The following ALK variants were observed in gnomAD, a reference collection of about 807,000 sequenced individuals.
ALK encodes ALK tyrosine kinase receptor.
A neutral mutation model predicts 163.1 loss-of-function variants in ALK; 74 were observed. That is an observed-to-expected ratio of 0.45 (90% CI 0.38 to 0.55). ALK has a LOEUF of 0.55. ALK is among the 20% of genes least tolerant of loss of function. The pLI is 0.00. For synonymous variants in ALK, 960 were observed against 843.2 expected (o/e 1.14, Z -2.40); for missense variants, 2,063 against 2,105.3 (o/e 0.98, Z 0.39).
chr2:29,363,689 C>A (rs979888603), intron 5 of ALK, among the ~76,000 whole-genome samples: 2 of 152,194 alleles, frequency 1.3e-5, no homozygotes, highest in African/African-American at 4.8e-5. Flanking sequence ...GTGATGGACA[C>A]ATTTTAAAAA....
At position 29,717,704 on chromosome 2, in the gene ALK, A is replaced by G. The variant is rs1679304112; in HGVS notation, c.668-7T>C. ...GATTCCAAGGAGCTATGACCTGGAC[A>G]TAAAAATAAAGAAAACACTGATCCA... On this transcript the variant is annotated splice_region_variant and splice_polypyrimidine_tract_variant and intron_variant, in intron 1 of 28. Coordinates refer to ENST00000389048, the MANE Select transcript of ALK (RefSeq NM_004304.5). 1 of 1,614,148 alleles carries G rather than the reference A, an allele frequency of 6.2e-7. No homozygotes were observed. Among genetic ancestry groups the G allele is most frequent in the Non-Finnish European group, 8.5e-7 (1 of 1,179,982 alleles).
At chr2:29,906,983 T>G (rs1370814976) in intron 1 of ALK, 1 of 144,988 alleles carries the variant, frequency 6.9e-6, no homozygotes, top group African/African-American at 2.6e-5. Context: ...AGAATCTTGC[T>G]CTGTCGCCCA....
At chr2:29,610,053 C>T (rs1190616477) in intron 3 of ALK, among the ~76,000 whole-genome samples, 2 of 152,176 alleles carry the variant, frequency 1.3e-5, no homozygotes, top group South Asian at 2.1e-4. Flanking sequence ...TAAATCTCAT[C>T]GTTCACTTAA....
chr2:29,687,677 T>C (rs1229194704), intron 3 of ALK, among the ~76,000 whole-genome samples: 1 of 152,152 alleles, frequency 6.6e-6, no homozygotes, highest in Non-Finnish European at 1.5e-5. Context: ...TGCTACTGTG[T>C]TGGTATATTT....
At chr2:29,232,485 G>A (rs1664242818) in intron 14 of ALK, 37 bp from the exon 15 acceptor site, 1 of 1,613,632 alleles carries the variant, frequency 6.2e-7, no homozygotes, top group Admixed American at 1.7e-5. Flanking sequence ...GAGAAACCGA[G>A]CTGTGCTTCC....
intron 1 of ALK, among the ~76,000 whole-genome samples, chr2:29,810,944 G>A (rs1276294396): frequency 6.6e-6 from 1 of 152,124 alleles, no homozygotes; most frequent in African/African-American, 2.4e-5. Flanking sequence ...TGAAAAGGCT[G>A]CTGTCTGCAA....
At chr2:29,240,086 G>C (rs1298106217) in intron 12 of ALK, among the ~76,000 whole-genome samples, 1 of 152,018 alleles carries the variant, frequency 6.6e-6, no homozygotes. Context: ...GAGAGAAAGA[G>C]AGGAAAAGGG....
At chr2:29,423,114 G>T (rs746364858) in intron 4 of ALK, among the ~76,000 whole-genome samples, 2 of 152,194 alleles carry the variant, frequency 1.3e-5, no homozygotes, top group Non-Finnish European at 2.9e-5. Flanking sequence ...AGAAAGAAAA[G>T]TGGCAGTCAA....
chr2:29,868,496 A>T (rs1323635970), intron 1 of ALK, among the ~76,000 whole-genome samples: 1 of 152,246 alleles, frequency 6.6e-6, no homozygotes, highest in Non-Finnish European at 1.5e-5. Context: ...GAAGAGCAAT[A>T]AAGAGTTTCA....
chr2:29,865,732 G>C (rs1377404711), intron 1 of ALK, among the ~76,000 whole-genome samples: 5 of 152,210 alleles, frequency 3.3e-5, no homozygotes, highest in African/African-American at 1.2e-4. Flanking sequence ...ACTGAAAGTT[G>C]AAAAGATAAG....
intron 1 of ALK, among the ~76,000 whole-genome samples, chr2:29,876,657 G>A (rs561860099): frequency 2.1e-4 from 32 of 149,504 alleles, no homozygotes; most frequent in Admixed American, 4.6e-4. Context: ...TGGTGACGGC[G>A]ATGGTGGTGA....
At chr2:29,786,559 C>G (rs909826264) in intron 1 of ALK, among the ~76,000 whole-genome samples, 1 of 152,170 alleles carries the variant, frequency 6.6e-6, no homozygotes, top group Non-Finnish European at 1.5e-5. Flanking sequence ...CGTGGCCACT[C>G]CCTCAGTAAA....
At chr2:29,637,888 T>G (rs1676586410) in intron 3 of ALK, among the ~76,000 whole-genome samples, 1 of 152,194 alleles carries the variant, frequency 6.6e-6, no homozygotes, top group Admixed American at 6.5e-5. Context: ...GAATCCATAA[T>G]TCTTTCAACA....
rs62130989 is a variant in ALK at position 29,779,534 on chromosome 2, G to A, written c.668-61837C>T. On this transcript the variant is annotated intron_variant, in intron 1 of 28. Transcript: ENST00000389048. ...AAGGCTCTCTCTTCACCAGCAATAC[G>A]GACTCCTGAATAGAGTCTGCATCAT... 8.2e-3 allele frequency among the ~76,000 whole-genome samples: 1,250 copies of A among 152,256 alleles called. 11 individuals are homozygous for A. The highest frequency in any genetic ancestry group is 0.034 in the Middle Eastern group (10 of 294).
chr2:29,440,965 C>A (rs1670525123), intron 4 of ALK, among the ~76,000 whole-genome samples: 1 of 152,206 alleles, frequency 6.6e-6, no homozygotes, highest in South Asian at 2.1e-4. Flanking sequence ...TTCCTGACTC[C>A]TGTGTGCCTC....
chr2:29,193,545 T>G lies in ALK; in HGVS notation c.4542A>C (p.Lys1514Asn), dbSNP rs2148137975. 1 of 1,614,206 alleles carries G rather than the reference T, an allele frequency of 6.2e-7. No individual in the cohort carries two copies. The highest frequency in any genetic ancestry group is 1.1e-5 in the South Asian group (1 of 91,088). ...NPTYGSWFTEKPTKKNNPIAK... is the reference protein window; with the variant it reads ...NPTYGSWFTENPTKKNNPIAK... ...CTATAGGATTATTCTTTTTGGTGGG[T>G]TTCTCTGTAAACCAGGAGCCGTACG... The change falls in exon 29 of 29, where the codon AAA (lysine) becomes AAC (asparagine). Residue 1514 changes from lysine to asparagine, a missense_variant. This residue lies in a region of ALK where 403 missense variants were observed against 366.2 expected (regional missense o/e 1.10). Coordinates refer to ENST00000389048, the MANE Select transcript of ALK (RefSeq NM_004304.5).
At chr2:29,221,274 G>C (rs984534704) in intron 22 of ALK, 3 of 519,062 alleles carry the variant, frequency 5.8e-6, no homozygotes, top group Non-Finnish European at 1.2e-5. Flanking sequence ...GTGTGAAACA[G>C]AGCCAGCAAA....
intron 9 of ALK, among the ~76,000 whole-genome samples, chr2:29,281,799 A>G (rs1665725791): frequency 6.6e-6 from 1 of 152,222 alleles, no homozygotes; most frequent in African/African-American, 2.4e-5. Context: ...TCGGAGACTC[A>G]TCGGGCAGAT....
At chr2:29,548,954 T>C (rs1558379274) in intron 3 of ALK, among the ~76,000 whole-genome samples, 1 of 152,120 alleles carries the variant, frequency 6.6e-6, no homozygotes, top group Non-Finnish European at 1.5e-5. Context: ...GTTTCTCAAC[T>C]TGTGGTTTGT....
Sources: allele counts gnomAD v4.1 joint callset (sites outside exome capture counted in the v4.1 genomes callset), GRCh38; gene constraint gnomAD v4.1.1; regional missense constraint gnomAD v4.1.1; transcripts MANE v1.5; gene names NCBI Gene and HGNC (gene_info 2026-07-23, HGNC 2026-07-21).